The following ARHGEF11 variants were observed in gnomAD, a reference collection of about 807,000 sequenced individuals.
The protein encoded by ARHGEF11 is Rho guanine exchange factor (GEF) 11.
In ARHGEF11, 55 loss-of-function variants were observed where a neutral mutation model predicts 193.7. The observed-to-expected ratio is 0.28, with a 90% CI of 0.23 to 0.36. The LOEUF is 0.36. ARHGEF11 is among the 10% of genes least tolerant of loss of function. The pLI, the probability that ARHGEF11 is intolerant of heterozygous loss-of-function variation, is 1.00. For synonymous variants in ARHGEF11, 693 were observed against 768.0 expected (o/e 0.90, Z 1.62); for missense variants, 1,723 against 2,005.6 (o/e 0.86, Z 2.69).
intron 14 of ARHGEF11, 66 bp downstream of exon 14, chr1:156,961,611 T>C: frequency 1.4e-6 from 2 of 1,455,652 alleles, no homozygotes; most frequent in East Asian, 2.3e-5. Context: ...TTTTGCTTAA[T>C]TTTCCCTGCC....
intron 3 of ARHGEF11, among the ~76,000 whole-genome samples, chr1:156,983,777 A>G (rs530272462): frequency 2.4e-4 from 36 of 152,390 alleles, no homozygotes; most frequent in African/African-American, 8.4e-4. Context: ...AATGATCACA[A>G]GGAAAATGAC....
At chr1:156,942,018 G>A in intron 33 of ARHGEF11, 29 bp from the exon 34 acceptor site, 2 of 1,613,934 alleles carry the variant, frequency 1.2e-6, no homozygotes, top group Non-Finnish European at 1.7e-6. Context: ...AGAGAGGACT[G>A]TAGTGAGAGC....
intron 1 of ARHGEF11, among the ~76,000 whole-genome samples, chr1:157,027,710 T>A (rs1241390368): frequency 2.6e-5 from 4 of 152,142 alleles, no homozygotes; most frequent in African/African-American, 7.2e-5. Flanking sequence ...CCACTGCCCA[T>A]CAGGAGGTAG....
chr1:157,002,952 T>G (rs368033099), intron 1 of ARHGEF11, among the ~76,000 whole-genome samples: 52 of 152,340 alleles, frequency 3.4e-4, no homozygotes, highest in African/African-American at 9.6e-4. Context: ...ATAGAGAGAA[T>G]TCATAAGAAT....
rs765674673 is a variant in ARHGEF11, at chr1:157,013,416, A to G, written c.33-27243T>C. 4.7e-5 allele frequency among the ~76,000 whole-genome samples: 7 copies of G among 149,792 alleles called. No homozygotes were observed. The South Asian group carries it at 1.3e-3, about 27-fold the overall frequency. On this transcript the variant is annotated intron_variant, in intron 1 of 40. Transcript: ENST00000368194. The stretch of plus-strand genomic sequence containing the variant: ...CCTACTCCTTGGATGCCTGGCAAAA[A>G]CTCCTGCTTATTCCTCAAGCCCCTA...
chr1:156,944,169 G>A, intron 31 of ARHGEF11, 67 bp from the exon 32 acceptor site: 1 of 1,561,650 alleles, frequency 6.4e-7, no homozygotes, highest in South Asian at 1.2e-5. Context: ...CACAATGCAG[G>A]GCCACAGGCT....
Position 156,934,943 on chromosome 1 carries a change from A to G in ARHGEF11, c.*1057T>C, listed in dbSNP as rs1213429589. 1.3e-5 allele frequency: 2 copies of G among 148,264 alleles called. No individual in the cohort carries two copies. The highest frequency in any genetic ancestry group is 1.4e-4 in the Admixed American group (2 of 14,804). 9.2% of individuals were successfully genotyped at this position (148,264 alleles called of 1,614,324 possible). On this transcript the variant is annotated 3_prime_UTR_variant, in exon 41 of 41. Coordinates refer to ENST00000368194, the MANE Select transcript of ARHGEF11 (RefSeq NM_198236.3). ...CAGCAGAACAGTCATTTCCATATCT[A>G]TATTTTATATATTATATATATATTT...
At chr1:156,936,430 G>T (rs2101707262) in intron 40 of ARHGEF11, among the ~76,000 whole-genome samples, 1 of 140,396 alleles carries the variant, frequency 7.1e-6, no homozygotes, top group Admixed American at 7.5e-5. Context: ...CCAGGAGTTT[G>T]AGACCAGCCT....
rs547515982 is a variant in ARHGEF11 at position 156,964,972 on chromosome 1, GCTT to G, written c.964-1381_964-1379del. Reference sequence around the variant, plus strand: ...CTTTCTGATTACAAAAGTAGAATATGCTTATTATTAAAAAGATCAAATGTTATA... The same window carrying G: ...CTTTCTGATTACAAAAGTAGAATATGATTATTAAAAAGATCAAATGTTATA... On this transcript the variant is annotated intron_variant, in intron 11 of 40. Coordinates refer to ENST00000368194, the MANE Select transcript of ARHGEF11 (RefSeq NM_198236.3). Among the ~76,000 whole-genome samples the G allele has an allele frequency of 4.7e-3, 716 of 152,250 alleles. 3 individuals carry two copies. Among genetic ancestry groups the G allele is most frequent in the Non-Finnish European group, 7.1e-3 (482 of 68,016 alleles).
intron 28 of ARHGEF11, 68 bp downstream of exon 28, chr1:156,946,594 G>A (rs866448020): frequency 1.9e-6 from 3 of 1,607,454 alleles, no homozygotes; most frequent in South Asian, 1.1e-5. Context: ...CAGAAGGAGA[G>A]AAGTTCAGGA....
intron 15 of ARHGEF11, 111 bp from the exon 16 acceptor site, chr1:156,959,253 G>T (rs186093880): frequency 2.3e-6 from 2 of 875,974 alleles, no homozygotes; most frequent in Admixed American, 4.5e-5. Context: ...CTGGGAGGAA[G>T]GGCTGGCTTT....
chr1:156,974,775 G>A (rs900216252), intron 7 of ARHGEF11, among the ~76,000 whole-genome samples: 3 of 152,174 alleles, frequency 2.0e-5, no homozygotes, highest in African/African-American at 7.2e-5. Context: ...GTAGATTTTT[G>A]TGTCTGGCTT....
chr1:157,034,070 T>G (rs1262627513), intron 1 of ARHGEF11, among the ~76,000 whole-genome samples: 2 of 152,216 alleles, frequency 1.3e-5, no homozygotes, highest in African/African-American at 4.8e-5. Flanking sequence ...ATGGCATGAA[T>G]GTTTCCCAAA....
intron 1 of ARHGEF11, among the ~76,000 whole-genome samples, chr1:157,015,970 G>A (rs1220656289): frequency 6.6e-6 from 1 of 152,212 alleles, no homozygotes; most frequent in Non-Finnish European, 1.5e-5. Flanking sequence ...GAAGAGTGAT[G>A]TGATGACTAC....
rs1422589988 is a variant in ARHGEF11, at chr1:156,969,309, C to T, written c.798G>A (p.Gly266=). The change falls in exon 10 of 41, where the codon GGG becomes GGA. Residue 266 remains glycine (G), a synonymous_variant. Coordinates refer to ENST00000368194, the MANE Select transcript of ARHGEF11 (RefSeq NM_198236.3). Reference sequence around the variant, plus strand: ...CACTGAGGGAAGGAAAGCGTTCTGTCCCAGAGTCCAAGCCACTGTCCCCCT... The same window carrying T: ...CACTGAGGGAAGGAAAGCGTTCTGTTCCAGAGTCCAAGCCACTGTCCCCCT... The part of the protein sequence containing the change: ...SQEGDSGLDS[G]TERFPSLSES... 3.1e-6 allele frequency: 5 copies of T among 1,607,196 alleles called. No individual in the cohort carries two copies. The highest frequency in any genetic ancestry group is 4.2e-6 in the Non-Finnish European group (5 of 1,176,942).
intron 1 of ARHGEF11, among the ~76,000 whole-genome samples, chr1:157,035,420 T>G (rs1479322492): frequency 6.6e-6 from 1 of 152,032 alleles, no homozygotes; most frequent in Non-Finnish European, 1.5e-5. Flanking sequence ...TTTTTTCTTT[T>G]TTGAGATGGA....
chr1:156,996,793 AAGAC>A (rs1383709432), intron 1 of ARHGEF11, among the ~76,000 whole-genome samples: 2 of 147,814 alleles, frequency 1.4e-5, no homozygotes. Context: ...AAAAAAAAAA[AAGAC>A]AAGGGTCTCC....
chr1:157,014,137 T>C (rs1470421279), intron 1 of ARHGEF11, among the ~76,000 whole-genome samples: 1 of 152,164 alleles, frequency 6.6e-6, no homozygotes, highest in Non-Finnish European at 1.5e-5. Context: ...ACGCTAAAAC[T>C]TTACAGCTCT....
In ARHGEF11 at chr1:156,989,103, C is replaced by G. The variant is rs1665359538; in HGVS notation, c.33-2930G>C. ...TTCTCATCAAAATTTGGCAGCAGAGCTCAGATTCTGCTCAGCCTAAACCTG... is the reference window on the plus strand; with the variant it reads ...TTCTCATCAAAATTTGGCAGCAGAGGTCAGATTCTGCTCAGCCTAAACCTG... On this transcript the variant is annotated intron_variant, in intron 1 of 40. Transcript: ENST00000368194. Among the ~76,000 whole-genome samples the G allele has an allele frequency of 2.0e-5, 3 of 152,130 alleles. No homozygotes were observed. In the South Asian group the frequency reaches 6.2e-4, roughly 32 times the overall value.
Sources: gnomAD v4.1 joint callset for allele counts (sites outside exome capture counted in the v4.1 genomes callset) on GRCh38, gnomAD v4.1.1 for gene constraint, MANE v1.5 for transcripts, NCBI Gene and HGNC (gene_info 2026-07-23, HGNC 2026-07-21) for gene names.